SNX8: variants seen among roughly 807,000 people sequenced by gnomAD.
SNX8 encodes the protein sorting nexin 8, also known as sorting nexin-8.
SNX8 carries 25 observed loss-of-function variants against 51.6 expected under a neutral mutation model. The observed-to-expected ratio is 0.48, with a 90% CI of 0.35 to 0.68. The LOEUF (loss-of-function observed/expected upper bound fraction) is 0.68, where lower values mean the gene tolerates loss of function less well. Among genes scored for constraint, SNX8 ranks in the 30% least tolerant of loss-of-function variants. The pLI is 0.00. For synonymous variants in SNX8, 324 were observed against 277.0 expected, an observed-to-expected ratio of 1.17 and a Z score of -1.68; for missense variants, 695 against 624.0, an observed-to-expected ratio of 1.11 and a Z score of -1.21.
chr7:2,284,427 A>G (rs1795976069), intron 1 of SNX8, among the ~76,000 whole-genome samples: 1 of 121,656 alleles, frequency 8.2e-6, no homozygotes, highest in Non-Finnish European at 1.6e-5. Context: ...TTTGAGACAG[A>G]GTCTCACTCT....
intron 6 of SNX8, among the ~76,000 whole-genome samples, chr7:2,263,950 G>A (rs1391623310): frequency 1.3e-5 from 2 of 151,916 alleles, no homozygotes; most frequent in Admixed American, 6.6e-5. Context: ...TCCTGACCTC[G>A]TGATCCACCC....
chr7:2,273,891 G>A (rs1459611579), intron 3 of SNX8, among the ~76,000 whole-genome samples: 8 of 150,438 alleles, frequency 5.3e-5, no homozygotes, highest in Middle Eastern at 3.2e-3. Flanking sequence ...GCGACAGAGC[G>A]AGACTCCATG....
intron 3 of SNX8, among the ~76,000 whole-genome samples, chr7:2,273,439 A>T (rs1345963123): frequency 6.6e-6 from 1 of 150,878 alleles, no homozygotes; most frequent in East Asian, 2.0e-4. Flanking sequence ...AAAAATAATT[A>T]GCCAGGCGTG....
In SNX8 at chr7:2,256,870, T is replaced by C; in HGVS notation, c.1284+4A>G. 1 of 1,609,440 alleles carries C rather than the reference T, an allele frequency of 6.2e-7. No homozygotes were observed. Among genetic ancestry groups the C allele is most frequent in the Non-Finnish European group, 8.5e-7 (1 of 1,177,350 alleles). The stretch of plus-strand genomic sequence containing the variant: ...AGACGGCGGCCGGAGCAGGGCGGAC[T>C]CACCTCCTTGTGCCCTTGGATCTGA... On this transcript the variant is annotated splice_donor_region_variant and intron_variant, in intron 10 of 10. Coordinates refer to ENST00000222990, the MANE Select transcript of SNX8 (RefSeq NM_013321.4).
upstream of SNX8, among the ~76,000 whole-genome samples, chr7:2,316,705 G>T (rs1167031062): frequency 8.4e-6 from 1 of 119,712 alleles, no homozygotes; most frequent in Non-Finnish European, 1.7e-5. Context: ...ATTCATTCAT[G>T]CAACCACTCA....
chr7:2,306,489 A>AT (rs376230900), intron 1 of SNX8, among the ~76,000 whole-genome samples: 10 of 152,056 alleles, frequency 6.6e-5, no homozygotes, highest in Admixed American at 5.9e-4. Flanking sequence ...TCTAACTGAA[A>AT]TTTTTTTTAA....
intron 1 of SNX8, among the ~76,000 whole-genome samples, chr7:2,291,197 AG>A (rs1230436604): frequency 6.6e-6 from 1 of 152,146 alleles, no homozygotes; most frequent in Non-Finnish European, 1.5e-5. Context: ...CTGCTTCCAA[AG>A]CTGAGGCAGG....
At chr7:2,318,966 T>A (rs545948734), upstream of SNX8, among the ~76,000 whole-genome samples, 1 of 151,494 alleles carries the variant, frequency 6.6e-6, no homozygotes, top group Non-Finnish European at 1.5e-5. Flanking sequence ...TGTGATCGCA[T>A]CACTGCACTC....
chr7:2,312,424 G>C (rs1054147436), intron 1 of SNX8, among the ~76,000 whole-genome samples: 7 of 152,092 alleles, frequency 4.6e-5, no homozygotes, highest in African/African-American at 1.7e-4. Context: ...GTGACCCCTC[G>C]GAAAGGGTCC....
chr7:2,295,469 C>T (rs1355559081), intron 1 of SNX8, among the ~76,000 whole-genome samples: 1 of 150,464 alleles, frequency 6.6e-6, no homozygotes, highest in East Asian at 1.9e-4. Context: ...CTTTGGGAGG[C>T]CAAGGCAGGT....
At chr7:2,274,356 T>C (rs575340213) in intron 3 of SNX8, among the ~76,000 whole-genome samples, 111 of 152,260 alleles carry the variant, frequency 7.3e-4, no homozygotes, top group African/African-American at 2.5e-3. Flanking sequence ...CAGGACACGG[T>C]GACTGTGGAA....
intron 1 of SNX8, among the ~76,000 whole-genome samples, chr7:2,348,950 C>CAAAAAAAAAAAAA (rs60816121): frequency 1.8e-5 from 1 of 55,744 alleles, no homozygotes; most frequent in Non-Finnish European, 3.3e-5. Context: ...GACTCTGTCT[C>CAAAAAAAAAAAAA]AAAAAAAAAA....
At chr7:2,338,117 G>A (rs1268382367) in intron 1 of SNX8, among the ~76,000 whole-genome samples, 3 of 152,010 alleles carry the variant, frequency 2.0e-5, no homozygotes, top group Admixed American at 2.0e-4. Context: ...CCTGAGCTCA[G>A]GAGTTTGAGA....
intron 1 of SNX8, among the ~76,000 whole-genome samples, chr7:2,282,244 C>T (rs1053297956): frequency 2.6e-5 from 4 of 152,226 alleles, no homozygotes. Context: ...AGCAAGTTTT[C>T]GGTGGCGGTC....
chr7:2,308,621 G>A (rs1279452225), intron 1 of SNX8, among the ~76,000 whole-genome samples: 1 of 141,132 alleles, frequency 7.1e-6, no homozygotes, highest in African/African-American at 2.7e-5. Context: ...AGGCTAGATG[G>A]CACCACTGCA....
chr7:2,335,495 A>G (rs2115240061), intron 1 of SNX8, among the ~76,000 whole-genome samples: 1 of 152,212 alleles, frequency 6.6e-6, no homozygotes, highest in East Asian at 1.9e-4. Context: ...TAAAAAAAAG[A>G]AAGAAACAAT....
At chr7:2,277,552 G>C (rs962348696) in intron 2 of SNX8, among the ~76,000 whole-genome samples, 1 of 152,112 alleles carries the variant, frequency 6.6e-6, no homozygotes, top group Non-Finnish European at 1.5e-5. Flanking sequence ...AGTAATCCCA[G>C]CACTTTGGGA....
intron 2 of SNX8, 92 bp from the exon 3 acceptor site, chr7:2,275,321 C>A: frequency 2.4e-6 from 2 of 822,508 alleles, no homozygotes; most frequent in Non-Finnish European, 4.3e-6. Flanking sequence ...ACGACAGCAC[C>A]AAGTGCATCT....
upstream of SNX8, among the ~76,000 whole-genome samples, chr7:2,315,348 GCATTCACT>G (rs1040344798): frequency 3.3e-5 from 4 of 121,862 alleles, no homozygotes; most frequent in Admixed American, 3.5e-4. Context: ...TCTGCATCCT[GCATTCACT>G]CATTCACTCA....
Sources: gnomAD v4.1 joint callset for allele counts (sites outside exome capture counted in the v4.1 genomes callset) on GRCh38, gnomAD v4.1.1 for gene constraint, MANE v1.5 for transcripts, NCBI Gene and HGNC (gene_info 2026-07-23, HGNC 2026-07-21) for gene names.